Variants in SPECC1 observed in about 807,000 individuals in gnomAD.
The protein encoded by SPECC1 is sperm antigen with calponin homology and coiled-coil domains 1, also known as cytospin-B.
In SPECC1, 62 loss-of-function variants were observed where a neutral mutation model predicts 104.1. The observed-to-expected ratio is 0.60, with a 90% confidence interval of 0.49 to 0.74. The LOEUF is 0.74. Among genes scored for constraint, SPECC1 ranks in the 30% least tolerant of loss-of-function variants. The probability of loss-of-function intolerance (pLI) is 0.00; values close to 1 mark genes in which losing one functional copy is unlikely to be tolerated. For synonymous variants in SPECC1, 513 were observed against 501.6 expected (o/e 1.02, Z -0.30); for missense variants, 1,306 against 1,310.5 (o/e 1.00, Z 0.05).
chr17:20,295,386 A>T (rs1404367915), intron 12 of SPECC1, among the ~76,000 whole-genome samples: 6 of 152,138 alleles, frequency 3.9e-5, no homozygotes, highest in Admixed American at 3.9e-4. Flanking sequence ...TCGATGGTGT[A>T]CATGTGCCAC....
At chr17:20,022,528 A>T (rs1190356694) in intron 1 of SPECC1, among the ~76,000 whole-genome samples, 2 of 152,230 alleles carry the variant, frequency 1.3e-5, no homozygotes, top group Non-Finnish European at 2.9e-5. Context: ...AATCTGCCCC[A>T]TGAACTTACT....
chr17:20,092,891 C>CTA lies in SPECC1; in HGVS notation c.-21-3737_-21-3736dup, dbSNP rs199960665. On this transcript the variant is annotated intron_variant, in intron 1 of 14. Coordinates refer to ENST00000395527, the MANE Select transcript of SPECC1 (RefSeq NM_001243439.2). ...TGAATTTGGACCAGGTGCATTTGAT[C>CTA]TATAGCCTTGGTGCTCTCCAGGGAG... 4.4e-3 allele frequency among the ~76,000 whole-genome samples: 674 copies of CTA among 152,272 alleles called. 2 individuals are homozygous for CTA. The highest frequency in any genetic ancestry group is 0.011 in the African/African-American group (445 of 41,544).
At chr17:20,227,139 C>G (rs2526478) in intron 4 of SPECC1, among the ~76,000 whole-genome samples, 1 of 151,980 alleles carries the variant, frequency 6.6e-6, no homozygotes, top group African/African-American at 2.4e-5. Flanking sequence ...AAGCATACAT[C>G]GTGTTTCTCT....
chr17:20,061,323 C>A (rs371399073), intron 1 of SPECC1, among the ~76,000 whole-genome samples: 1 of 152,218 alleles, frequency 6.6e-6, no homozygotes, highest in Non-Finnish European at 1.5e-5. Context: ...CCACTCACCT[C>A]GGCCTCCCAA....
intron 3 of SPECC1, chr17:20,156,312 C>T (rs1275502016): frequency 3.1e-6 from 4 of 1,295,992 alleles, no homozygotes; most frequent in African/African-American, 1.6e-5. Flanking sequence ...CCACCGCCTC[C>T]GGCTCGCGGC....
At chr17:20,145,313 A>G (rs1337281291) in intron 3 of SPECC1, among the ~76,000 whole-genome samples, 2 of 152,196 alleles carry the variant, frequency 1.3e-5, no homozygotes, top group African/African-American at 4.8e-5. Flanking sequence ...GTCAGACCAC[A>G]CCGGATTCGC....
chr17:20,244,998 T>G (rs886296192), intron 7 of SPECC1, among the ~76,000 whole-genome samples: 2 of 152,200 alleles, frequency 1.3e-5, no homozygotes, highest in South Asian at 2.1e-4. Flanking sequence ...AGAAGCCTCA[T>G]GAAGAACACA....
chr17:20,211,528 TAGG>T (rs1021151032), intron 4 of SPECC1, among the ~76,000 whole-genome samples: 5 of 152,236 alleles, frequency 3.3e-5, no homozygotes, highest in Non-Finnish European at 7.3e-5. Flanking sequence ...AGTTTAGCAT[TAGG>T]AGCGGAATCT....
intron 1 of SPECC1, among the ~76,000 whole-genome samples, chr17:20,083,900 GTTTTGT>G (rs1400815975): frequency 2.6e-5 from 4 of 152,210 alleles, no homozygotes; most frequent in African/African-American, 9.6e-5. Context: ...ATACTGTTTT[GTTTTGT>G]TTTTAAATTT....
intron 3 of SPECC1, among the ~76,000 whole-genome samples, chr17:20,132,079 T>G (rs926164341): frequency 6.6e-6 from 1 of 152,110 alleles, no homozygotes; most frequent in African/African-American, 2.4e-5. Context: ...TTCTGAGAAA[T>G]GTCCCTCTAT....
chr17:20,066,144 C>T (rs529963616), intron 1 of SPECC1, among the ~76,000 whole-genome samples: 25 of 152,256 alleles, frequency 1.6e-4, no homozygotes, highest in African/African-American at 6.0e-4. Flanking sequence ...AAGCTTTTTA[C>T]CTTTTTTACA....
At chr17:20,186,782 G>A (rs1181659584) in intron 3 of SPECC1, among the ~76,000 whole-genome samples, 1 of 152,104 alleles carries the variant, frequency 6.6e-6, no homozygotes, top group African/African-American at 2.4e-5. Context: ...GCCCAGGCTG[G>A]TTTCAAACTC....
intron 3 of SPECC1, among the ~76,000 whole-genome samples, chr17:20,138,388 C>T (rs1172352987): frequency 6.6e-6 from 1 of 152,124 alleles, no homozygotes; most frequent in Non-Finnish European, 1.5e-5. Flanking sequence ...ACCCAAAGTC[C>T]ATAGTTTAAG....
intron 12 of SPECC1, among the ~76,000 whole-genome samples, chr17:20,272,791 T>C (rs547151525): frequency 2.2e-4 from 33 of 152,376 alleles, no homozygotes; most frequent in African/African-American, 6.7e-4. Context: ...ATTTCTTTTT[T>C]ATTCCCTGAA....
intron 13 of SPECC1, chr17:20,305,810 A>G (rs2041742638): frequency 4.6e-6 from 2 of 437,724 alleles, no homozygotes; most frequent in Non-Finnish European, 8.1e-6. Context: ...TTTATCTTTG[A>G]TAGGTGTCAA....
intron 3 of SPECC1, among the ~76,000 whole-genome samples, chr17:20,157,897 C>T (rs2032748391): frequency 6.6e-6 from 1 of 152,126 alleles, no homozygotes; most frequent in African/African-American, 2.4e-5. Context: ...GTCTTGGGCT[C>T]CAGCACCTCT....
chr17:20,310,891 T>G (rs753184282), intron 14 of SPECC1, among the ~76,000 whole-genome samples: 2 of 152,220 alleles, frequency 1.3e-5, no homozygotes, highest in Non-Finnish European at 2.9e-5. Context: ...TTTACCATTT[T>G]GGGCATTTTT....
intron 3 of SPECC1, among the ~76,000 whole-genome samples, chr17:20,149,282 G>A (rs1394636843): frequency 6.6e-6 from 1 of 152,158 alleles, no homozygotes; most frequent in African/African-American, 2.4e-5. Flanking sequence ...AGCAGGTCTG[G>A]GACTGCTGTC....
Position 20,110,562 on chromosome 17 carries a change from G to A in SPECC1, c.283G>A (p.Gly95Arg). ...LTESRLRSGT[G>R]AFTTTKRTGI... is the part of the protein sequence containing the mutation. ...GGAGAGCCGCCTGAGGAGCGGCACA[G>A]GTAGGAGGGACCGGGCAGGTGGGCT... Residue 95 changes from glycine (G) to arginine (R), a missense_variant and splice_region_variant, in exon 3 of 15, where the codon GGG becomes AGG. Transcript: ENST00000395527. 6.2e-7 allele frequency: 1 copy of A among 1,611,870 alleles called. No homozygotes were observed. The highest frequency in any genetic ancestry group is 8.5e-7 in the Non-Finnish European group (1 of 1,179,250).
Sources: gnomAD v4.1 joint callset for allele counts (sites outside exome capture counted in the v4.1 genomes callset) on GRCh38, gnomAD v4.1.1 for gene constraint, MANE v1.5 for transcripts, NCBI Gene and HGNC (gene_info 2026-07-23, HGNC 2026-07-21) for gene names.